The following WNT3A variants were observed in gnomAD, a reference collection of about 807,000 sequenced individuals.
WNT3A encodes the protein protein Wnt-3a.
WNT3A carries 17 observed loss-of-function variants against 37.0 expected under a neutral mutation model. That is an observed-to-expected ratio of 0.46 (90% CI 0.31 to 0.69). The LOEUF is 0.69. Among genes scored for constraint, WNT3A ranks in the 30% least tolerant of loss-of-function variants. The pLI is 0.05. For synonymous variants in WNT3A, 187 were observed against 211.0 expected (o/e 0.89, Z 0.99); for missense variants, 411 against 510.2 (o/e 0.81, Z 1.87).
chr1:228,059,961 G>A lies in WNT3A; in HGVS notation c.*496G>A. 9.1e-7 allele frequency: 1 copy of A among 1,103,844 alleles called. No homozygotes were observed. The highest frequency in any genetic ancestry group is 1.1e-6 in the Non-Finnish European group (1 of 895,930). The allele number at this position is 1,103,844 out of a possible 1,614,324, so 68.4% of individuals were successfully genotyped here. On this transcript the variant is annotated 3_prime_UTR_variant, in exon 4 of 4. Coordinates refer to ENST00000284523, the MANE Select transcript of WNT3A (RefSeq NM_033131.4). ...GTAGGCTGCTCCCTGAGGGCGGAGC[G>A]CCTCCTTAGGAGTGGGGTTTTATGG...
intron 3 of WNT3A, among the ~76,000 whole-genome samples, chr1:228,051,602 C>T (rs1343721743): frequency 6.6e-6 from 1 of 152,218 alleles, no homozygotes; most frequent in Non-Finnish European, 1.5e-5. Context: ...GCCTGCTCCT[C>T]ATGGATGATG....
intron 2 of WNT3A, among the ~76,000 whole-genome samples, chr1:228,048,172 G>C (rs1013676438): frequency 5.9e-5 from 9 of 152,174 alleles, no homozygotes; most frequent in South Asian, 2.1e-4. Context: ...GAGGACCCTG[G>C]CTCCAGGAGA....
At chr1:228,030,434 T>C (rs2030973509) in intron 2 of WNT3A, among the ~76,000 whole-genome samples, 1 of 149,020 alleles carries the variant, frequency 6.7e-6, no homozygotes, top group South Asian at 2.1e-4. Flanking sequence ...AATAAACAAA[T>C]AATAAATAAA....
At chr1:228,055,176 AAAAATATATATATATAT>A (rs1445889646) in intron 3 of WNT3A, among the ~76,000 whole-genome samples, 5 of 59,080 alleles carry the variant, frequency 8.5e-5, no homozygotes, top group African/African-American at 3.7e-4. Context: ...AAAAAAAAAA[AAAAATATATATATATAT>A]ATATATATAT....
In WNT3A at chr1:228,059,700, A is replaced by T; in HGVS notation, c.*235A>T. The T allele has an allele frequency of 7.5e-7, 1 of 1,330,786 alleles. No homozygotes were observed. Among genetic ancestry groups the T allele is most frequent in the Non-Finnish European group, 9.6e-7 (1 of 1,046,718 alleles). The allele number at this position is 1,330,786 out of a possible 1,614,324, so 82.4% of individuals were successfully genotyped here. On this transcript the variant is annotated 3_prime_UTR_variant, in exon 4 of 4. Coordinates refer to ENST00000284523, the MANE Select transcript of WNT3A (RefSeq NM_033131.4). ...CTGCTCCTGAATGAGGCGGAGCTCC[A>T]GGATGGGGAGGGGCTCTGCGTTGGC... is the stretch of plus-strand genomic sequence containing the variant.
chr1:228,025,168 A>C (rs558842612), intron 2 of WNT3A, among the ~76,000 whole-genome samples: 75 of 152,258 alleles, frequency 4.9e-4, no homozygotes, highest in Non-Finnish European at 9.7e-4. Flanking sequence ...AAATATATGT[A>C]AATTTTAGGA....
chr1:228,051,778 GCTCAGCTT>G (rs2031559398), intron 3 of WNT3A, among the ~76,000 whole-genome samples: 1 of 152,208 alleles, frequency 6.6e-6, no homozygotes, highest in Non-Finnish European at 1.5e-5. Flanking sequence ...AACAGCATCT[GCTCAGCTT>G]CTTGGGAGGC....
chr1:228,020,855 G>A (rs909425734), intron 1 of WNT3A, among the ~76,000 whole-genome samples: 2 of 152,114 alleles, frequency 1.3e-5, no homozygotes, highest in Non-Finnish European at 2.9e-5. Context: ...ACTAGGGAGA[G>A]GGAGGCCAGA....
intron 1 of WNT3A, among the ~76,000 whole-genome samples, chr1:228,011,943 C>G (rs1303063247): frequency 6.6e-6 from 1 of 152,270 alleles, no homozygotes; most frequent in Non-Finnish European, 1.5e-5. Context: ...ACGCACAGCA[C>G]CCTTCCAGAG....
At chr1:228,019,918 C>A (rs1309526708) in intron 1 of WNT3A, among the ~76,000 whole-genome samples, 1 of 152,202 alleles carries the variant, frequency 6.6e-6, no homozygotes, top group African/African-American at 2.4e-5. Flanking sequence ...AACCACCTCA[C>A]CCTGGCTTAA....
rs1237652663 is a variant in WNT3A, at chr1:228,039,584, G to T, written c.314-11072G>T. Among the ~76,000 whole-genome samples, 1 of 152,202 alleles carries T rather than the reference G, an allele frequency of 6.6e-6. No individual in the cohort carries two copies. Among genetic ancestry groups the T allele is most frequent in the Non-Finnish European group, 1.5e-5 (1 of 68,036 alleles). ...CCTTCTTTCTGGTCACAGCCCAGAG[G>T]AGGGGTCAGCACGGAATGGAATCTG... On this transcript the variant is annotated intron_variant, in intron 2 of 3. Coordinates refer to ENST00000284523, the MANE Select transcript of WNT3A (RefSeq NM_033131.4). The surrounding 1 kb of genome is among the most constrained non-coding windows in gnomAD (Gnocchi z 4.1).
chr1:228,009,668 C>G (rs990611693), intron 1 of WNT3A, among the ~76,000 whole-genome samples: 2 of 152,172 alleles, frequency 1.3e-5, no homozygotes, highest in African/African-American at 2.4e-5. Context: ...CCACCATCAC[C>G]GGCACATGAA....
At chr1:228,015,911 G>C (rs2030519009) in intron 1 of WNT3A, among the ~76,000 whole-genome samples, 1 of 152,146 alleles carries the variant, frequency 6.6e-6, no homozygotes, top group Admixed American at 6.5e-5. Flanking sequence ...GGCCACGCTT[G>C]TCTTAGGGCA....
chr1:228,046,136 G>A lies in WNT3A; in HGVS notation c.314-4520G>A, dbSNP rs114221104. ...GAGGGGAGGACAAAGGGCTGAGTGC[G>A]GCCTGAGGCCAGGGAGTGGCATTGA... On this transcript the variant is annotated intron_variant, in intron 2 of 3. Transcript: ENST00000284523. Among the ~76,000 whole-genome samples the A allele has an allele frequency of 8.2e-3, 1,249 of 152,368 alleles. 19 individuals carry two copies. Among genetic ancestry groups the A allele is most frequent in the African/African-American group, 0.028 (1,170 of 41,590 alleles).
intron 1 of WNT3A, among the ~76,000 whole-genome samples, chr1:228,011,188 C>T (rs996658434): frequency 6.6e-6 from 1 of 152,162 alleles, no homozygotes; most frequent in Non-Finnish European, 1.5e-5. Flanking sequence ...AATGATGGGT[C>T]AGGCATACGT....
Position 228,059,444 on chromosome 1 carries a change from C to T in WNT3A, c.1038C>T (p.Tyr346=). Residue 346 remains tyrosine, a synonymous_variant, in exon 4 of 4, where the codon TAC becomes TAT. Coordinates refer to ENST00000284523, the MANE Select transcript of WNT3A (RefSeq NM_033131.4). ...YVSCQECTRV[Y]DVHTCK ...GCTGCCAGGAGTGCACGCGCGTCTA[C>T]GACGTGCACACCTGCAAGTAGGCAC... 2.6e-6 allele frequency: 4 copies of T among 1,526,954 alleles called. No homozygotes were observed. Among genetic ancestry groups the T allele is most frequent in the Non-Finnish European group, 2.6e-6 (3 of 1,141,628 alleles). The allele number at this position is 1,526,954 out of a possible 1,614,324, so 94.6% of individuals were successfully genotyped here. A position where few individuals can be genotyped will look rare whatever the true frequency, so the allele number is the denominator to read the frequency against.
chr1:228,058,952 C>T lies in WNT3A; in HGVS notation c.580-34C>T, dbSNP rs757829455. The T allele has an allele frequency of 1.7e-5, 26 of 1,572,078 alleles. No individual in the cohort carries two copies. In the South Asian group the frequency reaches 3.0e-4, roughly 18 times the overall value. ...TCCTCGGGGAGACGCACCAGGGGGC[C>T]GCCCTGACGCTGGCTCCTGCGCGTG... On this transcript the variant is annotated intron_variant, in intron 3 of 3. Transcript: ENST00000284523.
rs2031542423 is a variant in WNT3A at position 228,050,997 on chromosome 1, C to T, written c.579+76C>T. The T allele has an allele frequency of 6.9e-7, 1 of 1,443,304 alleles. No individual in the cohort carries two copies. The highest frequency in any genetic ancestry group is 2.8e-5 in the Admixed American group (1 of 36,054). The allele number at this position is 1,443,304 out of a possible 1,614,324, so 89.4% of individuals were successfully genotyped here. Reference sequence around the variant, plus strand: ...GGGTGTGTGCCCTGGTTCCTTGGGGCATATGGCCCGGTGAGGCAGGATGGT... The same window carrying T: ...GGGTGTGTGCCCTGGTTCCTTGGGGTATATGGCCCGGTGAGGCAGGATGGT... On this transcript the variant is annotated intron_variant, in intron 3 of 3. Coordinates refer to ENST00000284523, the MANE Select transcript of WNT3A (RefSeq NM_033131.4). This position sits in a 1 kb window ranked among gnomAD's most constrained non-coding sequence, Gnocchi z 5.0.
Position 228,060,006 on chromosome 1 carries a change from G to C in WNT3A, c.*541G>C. ...TTATGGTGGATGAGGCTTCTTCCTG[G>C]ATGGGGCAGAGCTTCTCCTGACCAG... On this transcript the variant is annotated 3_prime_UTR_variant, in exon 4 of 4. Transcript: ENST00000284523. The C allele has an allele frequency of 8.6e-7, 1 of 1,159,206 alleles. No individual in the cohort carries two copies. The highest frequency in any genetic ancestry group is 1.1e-6 in the Non-Finnish European group (1 of 924,826). The allele number at this position is 1,159,206 out of a possible 1,614,324, so 71.8% of individuals were successfully genotyped here.
Sources: gnomAD v4.1 joint callset for allele counts (sites outside exome capture counted in the v4.1 genomes callset) on GRCh38, gnomAD v4.1.1 for gene constraint, Gnocchi (gnomAD v3.1) non-coding constraint, MANE v1.5 for transcripts, NCBI Gene and HGNC (gene_info 2026-07-23, HGNC 2026-07-21) for gene names.